The following C6orf118 variants were observed in gnomAD, a reference collection of about 807,000 sequenced individuals.
C6orf118 encodes the protein chromosome 6 open reading frame 118.
Under a neutral mutation model 50.2 loss-of-function variants are expected in C6orf118, and 50 were observed. The ratio of observed to expected loss-of-function variants is 1.00; its 90% CI spans 0.79 to 1.26. C6orf118 has a LOEUF of 1.26. Ranked by LOEUF, C6orf118 falls within the 50% of genes most tolerant of loss-of-function variation. The pLI is 0.00. For synonymous variants in C6orf118, 239 were observed against 230.9 expected (o/e 1.03, Z -0.32); for missense variants, 641 against 578.7 (o/e 1.11, Z -1.10).
At position 165,290,082 on chromosome 6, in the gene C6orf118, T is replaced by A. The variant is rs749489562; in HGVS notation, c.1121-15A>T. ...CTCAGATGATTCTGGAAATATTTTT[T>A]AAAACAAAGTATTACCATGTTTAAT... On this transcript the variant is annotated splice_polypyrimidine_tract_variant and intron_variant, in intron 6 of 8. Transcript: ENST00000230301. The A allele has an allele frequency of 6.6e-7, 1 of 1,504,558 alleles. No individual in the cohort carries two copies. The allele number at this position is 1,504,558 out of a possible 1,614,324, so 93.2% of individuals were successfully genotyped here. A position where few individuals can be genotyped will look rare whatever the true frequency, so the allele number is the denominator to read the frequency against.
chr6:165,296,361 G>A lies in C6orf118; in HGVS notation c.1061+1616C>T, dbSNP rs775547158. On this transcript the variant is annotated intron_variant, in intron 5 of 8. Transcript: ENST00000230301. ...TCACCATTGCTTGACACAGTTTCTC[G>A]TGCTTCTCCTCCTCCCAGTGCCTCA... is the stretch of plus-strand genomic sequence containing the variant. Among the ~76,000 whole-genome samples, 3 of 144,286 alleles carry A rather than the reference G, an allele frequency of 2.1e-5. No homozygotes were observed. The Admixed American group carries it at 2.2e-4, about 11-fold the overall frequency. The allele number at this position is 144,286 out of a possible 152,430, so 94.7% of individuals were successfully genotyped here.
At chr6:165,307,325 G>A (rs1295258538) in intron 1 of C6orf118, among the ~76,000 whole-genome samples, 3 of 151,404 alleles carry the variant, frequency 2.0e-5, no homozygotes, top group Non-Finnish European at 2.9e-5. Flanking sequence ...TTGGGAGGCC[G>A]AGGCGGGTGG....
At chr6:165,281,311 TAGAC>T (rs1202034347) in intron 8 of C6orf118, among the ~76,000 whole-genome samples, 3 of 152,322 alleles carry the variant, frequency 2.0e-5, no homozygotes, top group Non-Finnish European at 4.4e-5. Flanking sequence ...GTCTAAATCT[TAGAC>T]TGAGCATTCC....
chr6:165,301,039 G>T (rs924821585), intron 2 of C6orf118, among the ~76,000 whole-genome samples: 6 of 152,032 alleles, frequency 3.9e-5, no homozygotes, highest in African/African-American at 1.4e-4. Flanking sequence ...GCTGACCTAC[G>T]AACATCTGAT....
chr6:165,292,294 G>C (rs376217173), intron 6 of C6orf118, among the ~76,000 whole-genome samples: 1 of 152,110 alleles, frequency 6.6e-6, no homozygotes, highest in Non-Finnish European at 1.5e-5. Flanking sequence ...GGAGGAGCAG[G>C]CTCCTGAGAT....
chr6:165,285,358 C>T (rs1779866410), intron 7 of C6orf118, among the ~76,000 whole-genome samples: 1 of 152,084 alleles, frequency 6.6e-6, no homozygotes, highest in South Asian at 2.1e-4. Flanking sequence ...TAGTGGGAGA[C>T]TTTAACACCC....
At chr6:165,281,304 T>C (rs957407422) in intron 8 of C6orf118, among the ~76,000 whole-genome samples, 1 of 152,236 alleles carries the variant, frequency 6.6e-6, no homozygotes, top group African/African-American at 2.4e-5. Context: ...GATTGAGGTC[T>C]AAATCTTAGA....
chr6:165,281,504 T>G, intron 8 of C6orf118, 136 bp downstream of exon 8: 1 of 1,413,696 alleles, frequency 7.1e-7, no homozygotes, highest in South Asian at 1.5e-5. Context: ...CACTGATCTT[T>G]CCTATGATCT....
Position 165,298,028 on chromosome 6 carries a change from T to A in C6orf118, c.1010A>T (p.Glu337Val), listed in dbSNP as rs201885251. 1.1e-5 allele frequency: 18 copies of A among 1,613,972 alleles called. No homozygotes were observed. The African/African-American group carries it at 2.1e-4, about 19-fold the overall frequency. ...TGTGGCTGTCACGAGCATCCTCAGC[T>A]CTTCCCTGGCGAGATCCATGTCCGC... ...KTADMDLARE[E>V]LRMLVTATKA... Residue 337 changes from glutamate to valine, a missense_variant, in exon 5 of 9, where the codon GAG becomes GTG. Coordinates refer to ENST00000230301, the MANE Select transcript of C6orf118 (RefSeq NM_144980.4).
At chr6:165,289,807 A>G in intron 7 of C6orf118, 79 bp downstream of exon 7, 2 of 971,858 alleles carry the variant, frequency 2.1e-6, no homozygotes, top group Non-Finnish European at 2.9e-6. Flanking sequence ...CCCTATTACC[A>G]AATCACATTA....
intron 5 of C6orf118, among the ~76,000 whole-genome samples, chr6:165,297,390 C>A (rs1235781015): frequency 1.4e-5 from 2 of 143,206 alleles, no homozygotes; most frequent in East Asian, 2.0e-4. Flanking sequence ...GGCGACAGAG[C>A]AAGTCTCCAT....
chr6:165,288,105 T>TA (rs929897545), intron 7 of C6orf118, among the ~76,000 whole-genome samples: 13 of 151,904 alleles, frequency 8.6e-5, no homozygotes, highest in Admixed American at 7.9e-4. Context: ...ACAACCCCAT[T>TA]AAAAAATGGG....
rs75869659 is a variant in C6orf118, at chr6:165,298,055, G to A, written c.983C>T (p.Thr328Met). ...TTCCCTGGCGAGATCCATGTCCGCC[G>A]TCTTCACCGGCCTCTGCCCCAGCGC... The part of the protein sequence containing the change: ...LKALGQRPVK[T>M]ADMDLAREEL... Residue 328 changes from threonine (T) to methionine (M), a missense_variant, in exon 5 of 9, where the codon ACG (threonine) becomes ATG (methionine). By Grantham distance (81) the Thr-to-Met change is moderately conservative. Coordinates refer to ENST00000230301, the MANE Select transcript of C6orf118 (RefSeq NM_144980.4). The A allele has an allele frequency of 6.0e-5, 97 of 1,612,726 alleles. No homozygotes were observed. In the African/African-American group the frequency reaches 1.1e-3, roughly 18 times the overall value.
At chr6:165,291,422 G>C (rs1780101861) in intron 6 of C6orf118, among the ~76,000 whole-genome samples, 1 of 152,160 alleles carries the variant, frequency 6.6e-6, no homozygotes, top group African/African-American at 2.4e-5. Context: ...ATTTCAAGCT[G>C]TGTTGGAAGA....
At position 165,281,602 on chromosome 6, in the gene C6orf118, T is replaced by C. The variant is rs545486250; in HGVS notation, c.1356+38A>G. ...GGACAAGCAGTCACCAGAGGAAATA[T>C]TTTTATTGATAAACATTGATTCACA... On this transcript the variant is annotated intron_variant, in intron 8 of 8. Transcript: ENST00000230301. The C allele has an allele frequency of 2.5e-4, 372 of 1,482,708 alleles. 2 individuals carry two copies. Among genetic ancestry groups the C allele is most frequent in the African/African-American group, 1.3e-3 (93 of 69,602 alleles). The allele number at this position is 1,482,708 out of a possible 1,614,324, so 91.8% of individuals were successfully genotyped here.
intron 5 of C6orf118, among the ~76,000 whole-genome samples, chr6:165,293,852 G>T (rs1780192527): frequency 6.6e-6 from 1 of 152,226 alleles, no homozygotes; most frequent in Non-Finnish European, 1.5e-5. Flanking sequence ...AAGGGCTATG[G>T]AAAGACTTTC....
chr6:165,296,440 C>G (rs1780313703), intron 5 of C6orf118, among the ~76,000 whole-genome samples: 1 of 151,940 alleles, frequency 6.6e-6, no homozygotes, highest in Non-Finnish European at 1.5e-5. Context: ...GGATCACCCA[C>G]TATGAGACAG....
rs138289053 is a variant in C6orf118, at chr6:165,301,978, T to G, written c.344A>C (p.His115Pro). Reference protein sequence around the residue: ...MKEALAHFTIHTALVPSEAQD... With the variant: ...MKEALAHFTIPTALVPSEAQD... ...GGCCTCACTGGGGACCAGGGCCGTG[T>G]GGATGGTGAAGTGGGCCAGGGCCTC... The change falls in exon 2 of 9, where the codon CAC becomes CCC. Residue 115 changes from histidine (H) to proline (P), a missense_variant. Transcript: ENST00000230301. 2 of 1,613,820 alleles carry G rather than the reference T, an allele frequency of 1.2e-6. No individual in the cohort carries two copies. Among genetic ancestry groups the G allele is most frequent in the East Asian group, 4.5e-5 (2 of 44,850 alleles).
Position 165,301,657 on chromosome 6 carries a change from T to C in C6orf118, c.665A>G (p.Gln222Arg). The change falls in exon 2 of 9, where the codon CAG (glutamine) becomes CGG (arginine). Residue 222 changes from glutamine to arginine, a missense_variant. Coordinates refer to ENST00000230301, the MANE Select transcript of C6orf118 (RefSeq NM_144980.4). ...ADRYRMFLRF[Q>R]KEVLAKQDLL... Reference sequence around the variant, plus strand: ...ATCTTGCTTGGCGAGCACTTCCTTCTGGAAACGCAGGAACATCCTGTACCT... The same window carrying C: ...ATCTTGCTTGGCGAGCACTTCCTTCCGGAAACGCAGGAACATCCTGTACCT... 1 of 1,614,154 alleles carries C rather than the reference T, an allele frequency of 6.2e-7. No individual in the cohort carries two copies. The highest frequency in any genetic ancestry group is 8.5e-7 in the Non-Finnish European group (1 of 1,180,022).
Sources: allele counts gnomAD v4.1 joint callset (sites outside exome capture counted in the v4.1 genomes callset), GRCh38; gene constraint gnomAD v4.1.1; transcripts MANE v1.5; gene names NCBI Gene and HGNC (gene_info 2026-07-23, HGNC 2026-07-21).